Variants in PLA2G4A observed in about 807,000 individuals in gnomAD.
PLA2G4A encodes the protein cytosolic phospholipase A2.
PLA2G4A carries 40 observed loss-of-function variants against 81.9 expected under a neutral mutation model. That is an observed-to-expected ratio of 0.49 (90% CI 0.38 to 0.64). The LOEUF is 0.64. Ranked by LOEUF, PLA2G4A falls within the 30% of genes least tolerant of loss-of-function variation. The pLI is 0.00. For missense variants in PLA2G4A, 715 were observed against 905.1 expected (o/e 0.79, Z 2.69); for synonymous variants, 302 against 296.9 (o/e 1.02, Z -0.18).
intron 2 of PLA2G4A, among the ~76,000 whole-genome samples, chr1:186,868,597 G>T (rs1486483774): frequency 2.6e-5 from 4 of 152,162 alleles, no homozygotes; most frequent in Non-Finnish European, 5.9e-5. Flanking sequence ...ATCGATACAA[G>T]AATTGATATA....
intron 3 of PLA2G4A, among the ~76,000 whole-genome samples, chr1:186,884,467 A>T (rs1228929910): frequency 6.6e-6 from 1 of 152,104 alleles, no homozygotes; most frequent in Non-Finnish European, 1.5e-5. Context: ...ATAGCAGTGT[A>T]TTTACTTTTC....
At chr1:186,951,463 C>A (rs201248040) in intron 13 of PLA2G4A, among the ~76,000 whole-genome samples, 2 of 135,898 alleles carry the variant, frequency 1.5e-5, no homozygotes, top group Non-Finnish European at 3.2e-5. Context: ...TAAAAAAAAG[C>A]CAACAAACAA....
At chr1:186,967,120 A>C (rs1657160311) in intron 15 of PLA2G4A, among the ~76,000 whole-genome samples, 1 of 152,192 alleles carries the variant, frequency 6.6e-6, no homozygotes. Flanking sequence ...AGGTCCTCTG[A>C]CAGCATATCT....
chr1:186,913,488 C>T (rs906664198), intron 7 of PLA2G4A, among the ~76,000 whole-genome samples: 6 of 151,996 alleles, frequency 3.9e-5, no homozygotes, highest in African/African-American at 1.2e-4. Flanking sequence ...TATCTGAAAT[C>T]TACAAAGATT....
At chr1:186,861,858 GATAA>G (rs1253299915) in intron 2 of PLA2G4A, among the ~76,000 whole-genome samples, 3 of 151,888 alleles carry the variant, frequency 2.0e-5, no homozygotes, top group East Asian at 1.9e-4. Flanking sequence ...AGTAACATGA[GATAA>G]ATAAAGGAAG....
intron 1 of PLA2G4A, among the ~76,000 whole-genome samples, chr1:186,852,874 T>C (rs772138474): frequency 4.6e-5 from 7 of 151,940 alleles, no homozygotes; most frequent in Non-Finnish European, 1.0e-4. Context: ...AAAACAAAGA[T>C]TATAGTAATT....
intron 5 of PLA2G4A, among the ~76,000 whole-genome samples, chr1:186,900,671 G>T (rs1654504107): frequency 6.6e-6 from 1 of 152,146 alleles, no homozygotes; most frequent in South Asian, 2.1e-4. Flanking sequence ...AGAGTGTTTT[G>T]TGTAAGGAAA....
chr1:186,958,039 G>A (rs1656814887), intron 14 of PLA2G4A, among the ~76,000 whole-genome samples: 1 of 152,078 alleles, frequency 6.6e-6, no homozygotes, highest in Non-Finnish European at 1.5e-5. Context: ...TATAGCTTTG[G>A]ATTTTGTTGT....
intron 3 of PLA2G4A, among the ~76,000 whole-genome samples, chr1:186,873,635 G>A (rs1254518204): frequency 1.3e-5 from 2 of 152,002 alleles, no homozygotes; most frequent in East Asian, 3.9e-4. Context: ...TAGTGCTAAG[G>A]TTATATCTAT....
intron 3 of PLA2G4A, among the ~76,000 whole-genome samples, chr1:186,887,946 T>C (rs181093437): frequency 2.6e-5 from 4 of 152,198 alleles, no homozygotes; most frequent in Non-Finnish European, 5.9e-5. Context: ...ACCACTGTTA[T>C]AGATATTTCT....
intron 2 of PLA2G4A, among the ~76,000 whole-genome samples, chr1:186,857,162 A>T (rs376942457): frequency 8.3e-3 from 15 of 1,814 alleles, no homozygotes; most frequent in East Asian, 0.029. Context: ...TACATAATAT[A>T]ATATAATTAT....
chr1:186,904,622 A>G (rs1385685783), intron 5 of PLA2G4A, among the ~76,000 whole-genome samples: 1 of 152,236 alleles, frequency 6.6e-6, no homozygotes, highest in Non-Finnish European at 1.5e-5. Flanking sequence ...CCTTGGCAGC[A>G]CAGCCTGTAA....
intron 1 of PLA2G4A, among the ~76,000 whole-genome samples, chr1:186,837,682 A>G (rs1472337730): frequency 7.0e-6 from 1 of 142,230 alleles, no homozygotes; most frequent in Non-Finnish European, 1.5e-5. Context: ...GCTTGCAGTG[A>G]GCCGAGATCG....
At chr1:186,920,353 G>T (rs1034881856) in intron 7 of PLA2G4A, among the ~76,000 whole-genome samples, 2 of 152,172 alleles carry the variant, frequency 1.3e-5, no homozygotes, top group African/African-American at 4.8e-5. Flanking sequence ...GCAGGTCCGT[G>T]GTAGGCAGAA....
At chr1:186,954,998 A>G (rs1402715328) in intron 13 of PLA2G4A, among the ~76,000 whole-genome samples, 1 of 152,190 alleles carries the variant, frequency 6.6e-6, no homozygotes, top group African/African-American at 2.4e-5. Context: ...GAGGTTTATC[A>G]GTGAGGAAAT....
Position 186,933,991 on chromosome 1 carries a change from G to A in PLA2G4A, c.695+1092G>A, listed in dbSNP as rs183700274. Among the ~76,000 whole-genome samples, 522 of 152,110 alleles carry A rather than the reference G, an allele frequency of 3.4e-3. 3 individuals carry two copies. The highest frequency in any genetic ancestry group is 5.9e-3 in the Non-Finnish European group (401 of 67,964). On this transcript the variant is annotated intron_variant, in intron 8 of 17. Coordinates refer to ENST00000367466, the MANE Select transcript of PLA2G4A (RefSeq NM_024420.3). ...TTTAGTCATGAAACAAAAACTTAGA[G>A]CCATCATTGCCATCTTCTCTATATG...
chr1:186,897,113 A>G (rs1311532802), intron 5 of PLA2G4A, among the ~76,000 whole-genome samples: 1 of 152,210 alleles, frequency 6.6e-6, no homozygotes, highest in African/African-American at 2.4e-5. Flanking sequence ...GATTTGGTGA[A>G]GGGTAAACAA....
At chr1:186,841,942 GA>G (rs200405295) in intron 1 of PLA2G4A, among the ~76,000 whole-genome samples, 2 of 149,424 alleles carry the variant, frequency 1.3e-5, no homozygotes, top group Non-Finnish European at 3.0e-5. Flanking sequence ...GGGTTGCGGG[GA>G]GCTTTTTAAA....
chr1:186,939,538 C>T (rs568132439), intron 9 of PLA2G4A, among the ~76,000 whole-genome samples: 1 of 151,092 alleles, frequency 6.6e-6, no homozygotes, highest in African/African-American at 2.4e-5. Flanking sequence ...CTTAACTGCC[C>T]ATTCCCTCCA....
Sources: allele counts gnomAD v4.1 joint callset (sites outside exome capture counted in the v4.1 genomes callset), GRCh38; gene constraint gnomAD v4.1.1; transcripts MANE v1.5; gene names NCBI Gene and HGNC (gene_info 2026-07-23, HGNC 2026-07-21).